Variants in SUGCT observed in about 807,000 individuals in gnomAD.
The protein encoded by SUGCT is succinyl-CoA:glutarate CoA-transferase.
Under a neutral mutation model 55.0 loss-of-function variants are expected in SUGCT, and 41 were observed. That is an observed-to-expected ratio of 0.74 (90% confidence interval 0.58 to 0.97). The LOEUF is 0.97. Among genes scored for constraint, SUGCT ranks in the 50% least tolerant of loss-of-function variants. The pLI is 0.00. For synonymous variants in SUGCT, 187 were observed against 200.4 expected (o/e 0.93, Z 0.56); for missense variants, 568 against 547.8 (o/e 1.04, Z -0.37).
At chr7:40,586,416 G>T (rs1004162082) in intron 12 of SUGCT, among the ~76,000 whole-genome samples, 19 of 152,282 alleles carry the variant, frequency 1.2e-4, no homozygotes, top group Admixed American at 1.1e-3. Flanking sequence ...GTGGCTGCCA[G>T]ACTGGATGAT....
chr7:40,404,939 GT>G (rs1244170235), intron 9 of SUGCT, among the ~76,000 whole-genome samples: 3 of 152,252 alleles, frequency 2.0e-5, no homozygotes, highest in South Asian at 2.1e-4. Context: ...CCTAATTCTG[GT>G]GTCTTTATAG....
intron 12 of SUGCT, among the ~76,000 whole-genome samples, chr7:40,733,841 T>G (rs1043736721): frequency 3.9e-5 from 6 of 152,224 alleles, no homozygotes; most frequent in African/African-American, 1.4e-4. Flanking sequence ...CACGACATCG[T>G]TTCCTTTGTG....
intron 9 of SUGCT, among the ~76,000 whole-genome samples, chr7:40,387,093 C>T (rs775588711): frequency 2.6e-5 from 4 of 152,134 alleles, no homozygotes; most frequent in Non-Finnish European, 4.4e-5. Context: ...GCATGCAAGA[C>T]CTGGCTCTCT....
At chr7:40,627,992 A>G (rs902572175) in intron 12 of SUGCT, among the ~76,000 whole-genome samples, 3 of 152,200 alleles carry the variant, frequency 2.0e-5, no homozygotes, top group Non-Finnish European at 2.9e-5. Flanking sequence ...GTTTCATGTT[A>G]TCAATGCTTA....
intron 12 of SUGCT, among the ~76,000 whole-genome samples, chr7:40,558,646 G>GT (rs1191156976): frequency 6.6e-6 from 1 of 152,202 alleles, no homozygotes; most frequent in Non-Finnish European, 1.5e-5. Flanking sequence ...TGTTTCATGA[G>GT]TAAAGAGTTT....
At chr7:40,958,163 A>G in the SUGCT span, among the ~76,000 whole-genome samples, 2 of 151,986 alleles carry the variant, frequency 1.3e-5, no homozygotes, top group Non-Finnish European at 2.9e-5. Context: ...CTTAAAGAGT[A>G]TCTTTGTGGT....
the SUGCT span, among the ~76,000 whole-genome samples, chr7:40,949,881 A>G: frequency 2.0e-5 from 3 of 152,208 alleles, no homozygotes; most frequent in Non-Finnish European, 4.4e-5. Context: ...TATCGAAGTC[A>G]GGTAGCATGA....
chr7:40,151,430 A>G (rs1788566295), intron 1 of SUGCT, among the ~76,000 whole-genome samples: 2 of 152,154 alleles, frequency 1.3e-5, no homozygotes, highest in Non-Finnish European at 2.9e-5. Context: ...CCTTTTTTAG[A>G]TGAAGATTGT....
chr7:40,577,265 C>G (rs779214620), intron 12 of SUGCT, among the ~76,000 whole-genome samples: 91 of 152,162 alleles, frequency 6.0e-4, no homozygotes, highest in Non-Finnish European at 2.9e-4. Context: ...CTGAGAGCTG[C>G]TAAAACTCAT....
At chr7:40,723,849 T>C (rs1786473684) in intron 12 of SUGCT, among the ~76,000 whole-genome samples, 1 of 152,216 alleles carries the variant, frequency 6.6e-6, no homozygotes, top group Middle Eastern at 3.2e-3. Flanking sequence ...CTTCATAATA[T>C]GGGATCTCGT....
chr7:40,140,642 G>A (rs962055460), intron 1 of SUGCT, among the ~76,000 whole-genome samples: 11 of 151,050 alleles, frequency 7.3e-5, no homozygotes, highest in African/African-American at 2.0e-4. Flanking sequence ...CTCATGATCC[G>A]CCTGTCTTGG....
chr7:40,632,602 CTGAG>C (rs911706417), intron 12 of SUGCT, among the ~76,000 whole-genome samples: 1 of 149,902 alleles, frequency 6.7e-6, no homozygotes, highest in Non-Finnish European at 1.5e-5. Context: ...TGTTCTATGC[CTGAG>C]TAAGAAGAAA....
intron 9 of SUGCT, among the ~76,000 whole-genome samples, chr7:40,354,283 G>A (rs1374135919): frequency 6.6e-6 from 1 of 152,156 alleles, no homozygotes; most frequent in Admixed American, 6.6e-5. Context: ...TCAGATTGAG[G>A]TATTACATAC....
At chr7:40,603,445 A>G (rs1798385704) in intron 12 of SUGCT, among the ~76,000 whole-genome samples, 1 of 152,226 alleles carries the variant, frequency 6.6e-6, no homozygotes, top group Admixed American at 6.5e-5. Flanking sequence ...AGTTCCCAAA[A>G]GAGTCTAGTA....
At chr7:40,694,871 G>T (rs892913790) in intron 12 of SUGCT, among the ~76,000 whole-genome samples, 3 of 152,136 alleles carry the variant, frequency 2.0e-5, no homozygotes, top group Admixed American at 2.0e-4. Flanking sequence ...AGTACTGAAA[G>T]AATTTACACC....
At chr7:40,561,339 C>T (rs1329428369) in intron 12 of SUGCT, among the ~76,000 whole-genome samples, 2 of 152,180 alleles carry the variant, frequency 1.3e-5, no homozygotes, top group Non-Finnish European at 2.9e-5. Context: ...AAATCTCCTT[C>T]AGTTCTCATA....
intron 12 of SUGCT, among the ~76,000 whole-genome samples, chr7:40,553,494 A>G (rs1486738561): frequency 6.6e-6 from 1 of 152,196 alleles, no homozygotes; most frequent in Non-Finnish European, 1.5e-5. Flanking sequence ...TTTTTATAAT[A>G]ATATATGAGA....
At chr7:40,797,694 G>T (rs1171441066) in intron 13 of SUGCT, among the ~76,000 whole-genome samples, 1 of 152,118 alleles carries the variant, frequency 6.6e-6, no homozygotes, top group Non-Finnish European at 1.5e-5. Context: ...AAACTTACAG[G>T]GTCACCTGAT....
chr7:40,331,474 T>C (rs1796308415), intron 9 of SUGCT, among the ~76,000 whole-genome samples: 1 of 152,192 alleles, frequency 6.6e-6, no homozygotes, highest in Non-Finnish European at 1.5e-5. Flanking sequence ...GGTATATTAC[T>C]ACCTGGTGAC....
Sources: allele counts gnomAD v4.1 joint callset (sites outside exome capture counted in the v4.1 genomes callset), GRCh38; gene constraint gnomAD v4.1.1; transcripts MANE v1.5; gene names NCBI Gene and HGNC (gene_info 2026-07-23, HGNC 2026-07-21).